Variants in HS3ST2 observed in about 807,000 individuals in gnomAD.
The protein encoded by HS3ST2 is heparan sulfate glucosamine 3-O-sulfotransferase 2.
Under a neutral mutation model 26.3 loss-of-function variants are expected in HS3ST2, and 17 were observed. That is an observed-to-expected ratio of 0.65 (90% CI 0.44 to 0.97). HS3ST2 has a LOEUF of 0.97. Ranked by LOEUF, HS3ST2 falls within the 50% of genes least tolerant of loss-of-function variation. The pLI is 0.00. For synonymous variants in HS3ST2, 237 were observed against 219.2 expected, an observed-to-expected ratio of 1.08 and a Z score of -0.72; for missense variants, 402 against 501.2, an observed-to-expected ratio of 0.80 and a Z score of 1.89.
chr16:22,901,531 G>T (rs938515084), intron 1 of HS3ST2, among the ~76,000 whole-genome samples: 3 of 152,176 alleles, frequency 2.0e-5, no homozygotes, highest in Non-Finnish European at 4.4e-5. Context: ...CCAGGGAGAA[G>T]GGAGGGCAGG....
At chr16:22,872,226 T>G (rs1038299367) in intron 1 of HS3ST2, among the ~76,000 whole-genome samples, 5 of 152,224 alleles carry the variant, frequency 3.3e-5, no homozygotes, top group African/African-American at 1.2e-4. Flanking sequence ...AAAGACTATT[T>G]AATAATCTGC....
At chr16:22,859,427 A>G (rs1173651470) in intron 1 of HS3ST2, among the ~76,000 whole-genome samples, 1 of 152,200 alleles carries the variant, frequency 6.6e-6, no homozygotes, top group African/African-American at 2.4e-5. Flanking sequence ...AGATAACTGA[A>G]TTTAGTCCAT....
At chr16:22,865,436 A>G (rs929145171) in intron 1 of HS3ST2, among the ~76,000 whole-genome samples, 2 of 151,472 alleles carry the variant, frequency 1.3e-5, no homozygotes, top group African/African-American at 4.9e-5. Flanking sequence ...CATGCCTGTA[A>G]TCCCAGCTAC....
At chr16:22,818,769 CT>C in intron 1 of HS3ST2, among the ~76,000 whole-genome samples, 1 of 44,142 alleles carries the variant, frequency 2.3e-5, no homozygotes, top group Non-Finnish European at 4.0e-5. Context: ...TCATTCCTTC[CT>C]TCCCTCCTTC....
chr16:22,902,786 A>G (rs2141205064), intron 1 of HS3ST2, among the ~76,000 whole-genome samples: 1 of 152,174 alleles, frequency 6.6e-6, no homozygotes, highest in Non-Finnish European at 1.5e-5. Flanking sequence ...TGTTTCCTTA[A>G]TTTTAGAGAT....
At chr16:22,834,364 T>C (rs1266072939) in intron 1 of HS3ST2, among the ~76,000 whole-genome samples, 2 of 152,200 alleles carry the variant, frequency 1.3e-5, no homozygotes, top group Non-Finnish European at 2.9e-5. Context: ...ATATAGTAGA[T>C]ATAATATGCT....
In HS3ST2 at chr16:22,824,233, GAAAAC is replaced by G. The variant is rs1901046464; in HGVS notation, c.485+9140_485+9144del. ...GCAAAATACCTTTTCTTCCATTCTG[GAAAAC>G]ATGACGTGAAGCTTAAAAACATGAC... is the stretch of plus-strand genomic sequence containing the variant. On this transcript the variant is annotated intron_variant, in intron 1 of 1. Coordinates refer to ENST00000261374, the MANE Select transcript of HS3ST2 (RefSeq NM_006043.2). 1.3e-5 allele frequency among the ~76,000 whole-genome samples: 2 copies of G among 152,182 alleles called. 1 individual carries two copies. Among genetic ancestry groups the G allele is most frequent in the African/African-American group, 4.8e-5 (2 of 41,428 alleles).
At chr16:22,835,778 A>G (rs1394040172) in intron 1 of HS3ST2, among the ~76,000 whole-genome samples, 1 of 152,228 alleles carries the variant, frequency 6.6e-6, no homozygotes, top group African/African-American at 2.4e-5. Flanking sequence ...GAAAATAATG[A>G]TGTGTACTGA....
Position 22,814,844 on chromosome 16 carries a change from G to C in HS3ST2, c.234G>C (p.Pro78=). ...CCCGCCCCTGTGATCCCTCCGGGCC[G>C]ACGCCCAGCGAGCCCAGCGCTCCCA... ...QKSRPCDPSG[P]TPSEPSAPSA... The change falls in exon 1 of 2, where the codon CCG becomes CCC. Residue 78 remains proline (P), a synonymous_variant. Transcript: ENST00000261374. The C allele has an allele frequency of 1.5e-5, 23 of 1,565,124 alleles. No homozygotes were observed. The highest frequency in any genetic ancestry group is 2.0e-5 in the Non-Finnish European group (23 of 1,155,740).
chr16:22,881,305 G>A (rs1057243371), intron 1 of HS3ST2, among the ~76,000 whole-genome samples: 2 of 152,184 alleles, frequency 1.3e-5, no homozygotes, highest in African/African-American at 2.4e-5. Context: ...ACTGCTGAGC[G>A]TTGAGAGGAC....
intron 1 of HS3ST2, 119 bp downstream of exon 1, chr16:22,815,214 A>T (rs1900846174): frequency 1.5e-6 from 2 of 1,314,142 alleles, no homozygotes; most frequent in Non-Finnish European, 2.1e-6. Flanking sequence ...GTTCAGGCTG[A>T]CACACAGGGC....
intron 1 of HS3ST2, among the ~76,000 whole-genome samples, chr16:22,835,441 C>G (rs1335248990): frequency 6.6e-6 from 1 of 152,160 alleles, no homozygotes; most frequent in Non-Finnish European, 1.5e-5. Context: ...TTTTACTCCA[C>G]TTTGTTTTTG....
intron 1 of HS3ST2, among the ~76,000 whole-genome samples, chr16:22,855,696 G>GTCTCTCTCTCTCTCTCTCTC (rs3078722): frequency 4.1e-4 from 58 of 142,898 alleles, no homozygotes; most frequent in Non-Finnish European, 4.7e-4. Flanking sequence ...CTGTCTCTCT[G>GTCTCTCTCTCTCTCTCTCTC]TCTCTCTCTC....
At chr16:22,823,196 A>G (rs75642482) in intron 1 of HS3ST2, among the ~76,000 whole-genome samples, 17,378 of 152,256 alleles carry the variant, frequency 0.11, 1,083 homozygotes, top group Admixed American at 0.15. Context: ...AAACAGTGTG[A>G]TTGAATTTTT....
At chr16:22,857,842 G>A (rs549936883) in intron 1 of HS3ST2, among the ~76,000 whole-genome samples, 4 of 152,106 alleles carry the variant, frequency 2.6e-5, no homozygotes, top group African/African-American at 7.2e-5. Context: ...CAAACACAGG[G>A]TGTGATTATA....
At chr16:22,819,280 T>C (rs1456530674) in intron 1 of HS3ST2, among the ~76,000 whole-genome samples, 1 of 151,732 alleles carries the variant, frequency 6.6e-6, no homozygotes, top group African/African-American at 2.4e-5. Context: ...ACCTGTGAAA[T>C]GGCAATGATG....
chr16:22,892,855 A>C (rs931167051), intron 1 of HS3ST2, among the ~76,000 whole-genome samples: 13 of 152,196 alleles, frequency 8.5e-5, no homozygotes, highest in Non-Finnish European at 4.4e-5. Flanking sequence ...TCATTAATAT[A>C]CTGATCCAAT....
At chr16:22,841,166 A>G (rs1901349869) in intron 1 of HS3ST2, among the ~76,000 whole-genome samples, 1 of 151,988 alleles carries the variant, frequency 6.6e-6, no homozygotes, top group Non-Finnish European at 1.5e-5. Flanking sequence ...GGTTCAAGCG[A>G]TTCTCCTGCC....
intron 1 of HS3ST2, among the ~76,000 whole-genome samples, chr16:22,821,789 G>A (rs1567479372): frequency 6.6e-6 from 1 of 152,106 alleles, no homozygotes; most frequent in African/African-American, 2.4e-5. Flanking sequence ...TGACGAGGTG[G>A]GTAAAAGCCA....
Sources: gnomAD v4.1 joint callset for allele counts (sites outside exome capture counted in the v4.1 genomes callset) on GRCh38, gnomAD v4.1.1 for gene constraint, MANE v1.5 for transcripts, NCBI Gene and HGNC (gene_info 2026-07-23, HGNC 2026-07-21) for gene names.